Variants in VASH1 observed in about 807,000 individuals in gnomAD.
VASH1 encodes vasohibin 1, also known as tubulinyl-Tyr carboxypeptidase 1.
A neutral mutation model predicts 35.0 loss-of-function variants in VASH1; 16 were observed. That is an observed-to-expected ratio of 0.46 (90% CI 0.31 to 0.70). The LOEUF (loss-of-function observed/expected upper bound fraction) is 0.70. VASH1 is among the 30% of genes least tolerant of loss of function. The pLI, the probability that VASH1 is intolerant of heterozygous loss-of-function variation, is 0.05. For synonymous variants in VASH1, 214 were observed against 200.9 expected (o/e 1.07, Z -0.55); for missense variants, 505 against 510.7 (o/e 0.99, Z 0.11).
chr14:76,775,647 C>G (rs1243068284), intron 4 of VASH1, among the ~76,000 whole-genome samples: 3 of 152,166 alleles, frequency 2.0e-5, no homozygotes, highest in Non-Finnish European at 2.9e-5. Flanking sequence ...AGAGCGGTGG[C>G]CACAAATCCC....
intron 5 of VASH1, among the ~76,000 whole-genome samples, chr14:76,777,541 C>T (rs1396221908): frequency 2.6e-5 from 4 of 152,190 alleles, no homozygotes; most frequent in African/African-American, 9.7e-5. Context: ...TCATTTTTTT[C>T]TTAAGCAGAG....
In VASH1 at chr14:76,781,935, G is replaced by T. The variant is rs948683346; in HGVS notation, c.*2917G>T. On this transcript the variant is annotated 3_prime_UTR_variant, in exon 7 of 7. Coordinates refer to ENST00000167106, the MANE Select transcript of VASH1 (RefSeq NM_014909.5). ...TCACTTCCTGTGAGGGACAGGGCCT[G>T]GCTGATGTGATCCCAGCTCCCCCCA... 1 of 152,552 alleles carries T rather than the reference G, an allele frequency of 6.6e-6. No homozygotes were observed. The highest frequency in any genetic ancestry group is 1.5e-5 in the Non-Finnish European group (1 of 68,178). 9.4% of individuals were successfully genotyped at this position (152,552 alleles called of 1,614,324 possible). A position where few individuals can be genotyped will look rare whatever the true frequency, so the allele number is the denominator to read the frequency against.
intron 4 of VASH1, chr14:76,773,648 AAC>A: frequency 9.8e-6 from 2 of 204,964 alleles, no homozygotes; most frequent in Non-Finnish European, 1.9e-5. Flanking sequence ...AAAAAAAAAA[AAC>A]CACAAACAAG....
chr14:76,781,609 A>G lies in VASH1; in HGVS notation c.*2591A>G, dbSNP rs1057139268. ...TCCCAGAGCCCTCCATGGAGAAAAC[A>G]GCAAAATGAAGCCCTTACCTGCTTG... On this transcript the variant is annotated 3_prime_UTR_variant, in exon 7 of 7. Transcript: ENST00000167106. The G allele has an allele frequency of 6.6e-6, 1 of 152,278 alleles. No individual in the cohort carries two copies. Among genetic ancestry groups the G allele is most frequent in the Non-Finnish European group, 1.5e-5 (1 of 68,124 alleles). The allele number at this position is 152,278 out of a possible 1,614,324, so 9.4% of individuals were successfully genotyped here. A position where few individuals can be genotyped will look rare whatever the true frequency, so the allele number is the denominator to read the frequency against.
Position 76,761,921 on chromosome 14 carries a change from C to T in VASH1, c.-901C>T, listed in dbSNP as rs1206970627. On this transcript the variant is annotated 5_prime_UTR_variant, in exon 1 of 7. Transcript: ENST00000167106. ...CTGCGCGCCGCCCGAGCCGGTCCCG[C>T]TGAGCCGCGGGCCCCGTGCCCTGCG... 6.6e-6 allele frequency among the ~76,000 whole-genome samples: 1 copy of T among 151,786 alleles called. No homozygotes were observed. The highest frequency in any genetic ancestry group is 1.5e-5 in the Non-Finnish European group (1 of 67,910).
chr14:76,774,755 A>G (rs1408053674), intron 4 of VASH1: 1 of 152,256 alleles, frequency 6.6e-6, no homozygotes, highest in African/African-American at 2.4e-5. Flanking sequence ...CTCAGTAAGC[A>G]TTGGTGGAAT....
Position 76,762,561 on chromosome 14 carries a change from G to A in VASH1, c.-261G>A, listed in dbSNP as rs1893531159. 2 of 349,386 alleles carry A rather than the reference G, an allele frequency of 5.7e-6. No homozygotes were observed. Among genetic ancestry groups the A allele is most frequent in the East Asian group, 8.9e-5 (2 of 22,470 alleles). The allele number at this position is 349,386 out of a possible 1,614,324, so 21.6% of individuals were successfully genotyped here. A position where few individuals can be genotyped will look rare whatever the true frequency, so the allele number is the denominator to read the frequency against. The stretch of plus-strand genomic sequence containing the variant: ...TGCTTTGTGACGGCTGCCAAGTTGG[G>A]GTGTGTTCTCTTTATTCCGTTTTTC... On this transcript the variant is annotated 5_prime_UTR_variant, in exon 1 of 7. Coordinates refer to ENST00000167106, the MANE Select transcript of VASH1 (RefSeq NM_014909.5).
At chr14:76,776,386 G>T in intron 5 of VASH1, 113 bp downstream of exon 5, 3 of 1,369,234 alleles carry the variant, frequency 2.2e-6, no homozygotes, top group Non-Finnish European at 2.9e-6. Flanking sequence ...GGGGTGCTGG[G>T]ACCTTGCTTA....
rs2140169680 is a variant in VASH1, at chr14:76,762,424, G to C, written c.-398G>C. On this transcript the variant is annotated 5_prime_UTR_variant, in exon 1 of 7. Transcript: ENST00000167106. ...CAGTGGGCACCCGTGCCTTGACTCT[G>C]TCCTTTCTGCAGCCGCTGGTCCGAG... is the stretch of plus-strand genomic sequence containing the variant. The C allele has an allele frequency of 6.2e-6, 1 of 162,316 alleles. No individual in the cohort carries two copies. Among genetic ancestry groups the C allele is most frequent in the East Asian group, 1.8e-4 (1 of 5,592 alleles). The allele number at this position is 162,316 out of a possible 1,614,324, so 10.1% of individuals were successfully genotyped here.
At chr14:76,765,247 A>G (rs1300638380) in intron 1 of VASH1, among the ~76,000 whole-genome samples, 1 of 152,160 alleles carries the variant, frequency 6.6e-6, no homozygotes, top group Non-Finnish European at 1.5e-5. Flanking sequence ...TCATTCTGTC[A>G]TCTTCAGTCC....
intron 5 of VASH1, 59 bp downstream of exon 5, chr14:76,776,332 G>C: frequency 6.8e-7 from 1 of 1,472,954 alleles, no homozygotes; most frequent in Non-Finnish European, 9.0e-7. Context: ...CCCCAGCAGA[G>C]GCGATGTGAG....
intron 5 of VASH1, among the ~76,000 whole-genome samples, chr14:76,776,876 T>G (rs1893960198): frequency 2.0e-5 from 3 of 152,176 alleles, no homozygotes; most frequent in Admixed American, 2.0e-4. Context: ...CATAGCTCAG[T>G]CACTGCTGCA....
At chr14:76,765,639 G>C (rs1206713824) in intron 1 of VASH1, among the ~76,000 whole-genome samples, 1 of 152,248 alleles carries the variant, frequency 6.6e-6, no homozygotes, top group East Asian at 1.9e-4. Flanking sequence ...CGGCCACACA[G>C]TGTGGGGCTC....
At chr14:76,773,618 T>C in intron 4 of VASH1, 1 of 285,032 alleles carries the variant, frequency 3.5e-6, no homozygotes, top group East Asian at 5.5e-5. Flanking sequence ...GGACGAGATA[T>C]TAAAGCAAAA....
rs553797526 is a variant in VASH1 at position 76,779,113 on chromosome 14, C to T, written c.*95C>T. On this transcript the variant is annotated 3_prime_UTR_variant, in exon 7 of 7. Transcript: ENST00000167106. ...TGCATGGGGAAGGCGGGGCTGGTGA[C>T]AAGGCAGGGCAAGAGGCTGCAGGAA... 3.1e-5 allele frequency: 41 copies of T among 1,329,044 alleles called. No individual in the cohort carries two copies. The East Asian group carries it at 9.0e-4, about 29-fold the overall frequency. The allele number at this position is 1,329,044 out of a possible 1,614,324, so 82.3% of individuals were successfully genotyped here. A position where few individuals can be genotyped will look rare whatever the true frequency, so the allele number is the denominator to read the frequency against.
At chr14:76,767,408 C>A (rs751484036) in intron 1 of VASH1, among the ~76,000 whole-genome samples, 8 of 152,122 alleles carry the variant, frequency 5.3e-5, no homozygotes, top group Non-Finnish European at 1.2e-4. Context: ...GCTCTCCCCA[C>A]CTCCCCCAGG....
At chr14:76,763,183 T>TG in intron 1 of VASH1, 53 bp downstream of exon 1, 1 of 1,369,542 alleles carries the variant, frequency 7.3e-7, no homozygotes, top group Non-Finnish European at 9.5e-7. Flanking sequence ...TTAGTGACCT[T>TG]GGGGCCAAGA....
At chr14:76,768,750 C>T (rs1893710919) in intron 1 of VASH1, among the ~76,000 whole-genome samples, 1 of 152,220 alleles carries the variant, frequency 6.6e-6, no homozygotes. Context: ...CTACCCCCTT[C>T]CCTTCACACG....
Position 76,781,424 on chromosome 14 carries a change from A to G in VASH1, c.*2406A>G, listed in dbSNP as rs1241353689. The G allele has an allele frequency of 1.3e-5, 2 of 152,270 alleles. No individual in the cohort carries two copies. Among genetic ancestry groups the G allele is most frequent in the African/African-American group, 4.8e-5 (2 of 41,450 alleles). The allele number at this position is 152,270 out of a possible 1,614,324, so 9.4% of individuals were successfully genotyped here. Reference sequence around the variant, plus strand: ...CCTTGGGAGGTGCCAGGCTGAAACTAGGTCCTTTCCGGGTCTGGATGCTGC... The same window carrying G: ...CCTTGGGAGGTGCCAGGCTGAAACTGGGTCCTTTCCGGGTCTGGATGCTGC... On this transcript the variant is annotated 3_prime_UTR_variant, in exon 7 of 7. Transcript: ENST00000167106.
Sources: gnomAD v4.1 joint callset for allele counts (sites outside exome capture counted in the v4.1 genomes callset) on GRCh38, gnomAD v4.1.1 for gene constraint, MANE v1.5 for transcripts, NCBI Gene and HGNC (gene_info 2026-07-23, HGNC 2026-07-21) for gene names.